Variants in ZBTB20 observed in about 807,000 individuals in gnomAD.
ZBTB20 encodes zinc finger and BTB domain-containing protein 20.
ZBTB20 carries 9 observed loss-of-function variants against 56.9 expected under a neutral mutation model. The observed-to-expected ratio is 0.16, with a 90% CI of 0.10 to 0.28. The LOEUF (loss-of-function observed/expected upper bound fraction) is 0.28. Ranked by LOEUF, ZBTB20 falls within the 10% of genes least tolerant of loss-of-function variation. The pLI, the probability that ZBTB20 is intolerant of heterozygous loss-of-function variation, is 1.00. For missense variants in ZBTB20, 655 were observed against 1,003.0 expected (o/e 0.65, Z 4.69); for synonymous variants, 417 against 420.7 (o/e 0.99, Z 0.11).
Position 114,457,098 on chromosome 3 carries a change from A to T in ZBTB20, c.-255+43254T>A, listed in dbSNP as rs2092066808. Reference sequence around the variant, plus strand: ...TTTGATAATGGCAGATCCTTTGGCAAGCCCCAAAATACCTGATAGGCCAGA... The same window carrying T: ...TTTGATAATGGCAGATCCTTTGGCATGCCCCAAAATACCTGATAGGCCAGA... On this transcript the variant is annotated intron_variant, in intron 7 of 11. Coordinates refer to ENST00000675478, the MANE Select transcript of ZBTB20 (RefSeq NM_001348800.3). Among the ~76,000 whole-genome samples, 4 of 152,244 alleles carry T rather than the reference A, an allele frequency of 2.6e-5. No homozygotes were observed. In the South Asian group the frequency reaches 8.3e-4, roughly 32 times the overall value.
intron 8 of ZBTB20, among the ~76,000 whole-genome samples, chr3:114,385,070 C>T (rs909409051): frequency 2.0e-4 from 31 of 152,232 alleles, no homozygotes; most frequent in African/African-American, 6.7e-4. Flanking sequence ...CCCTCTCTTG[C>T]ACGTTAATGT....
intron 6 of ZBTB20, among the ~76,000 whole-genome samples, chr3:114,597,359 T>A (rs1264001401): frequency 6.6e-6 from 1 of 152,144 alleles, no homozygotes; most frequent in Non-Finnish European, 1.5e-5. Context: ...TGGTTATAAC[T>A]AGAACGACCA....
chr3:114,838,920 G>A (rs1333302306), intron 4 of ZBTB20, among the ~76,000 whole-genome samples: 2 of 152,198 alleles, frequency 1.3e-5, no homozygotes, highest in South Asian at 2.1e-4. Context: ...ACCAAATGGG[G>A]TAGATGCATC....
chr3:115,035,572 A>ACACACAC (rs2080881662), intron 2 of ZBTB20, among the ~76,000 whole-genome samples: 1 of 140,076 alleles, frequency 7.1e-6, no homozygotes, highest in African/African-American at 3.2e-5. Context: ...CACACACACA[A>ACACACAC]AACAAGTTTT....
chr3:114,613,864 G>T lies in ZBTB20; in HGVS notation c.-295+79664C>A, dbSNP rs572659059. Among the ~76,000 whole-genome samples, 28 of 152,244 alleles carry T rather than the reference G, an allele frequency of 1.8e-4. No homozygotes were observed. In the South Asian group the frequency reaches 5.0e-3, roughly 27 times the overall value. On this transcript the variant is annotated intron_variant, in intron 6 of 11. Transcript: ENST00000675478. ...TGATGAGGAGGATGATAATGGTAAT[G>T]ATGATAACAGCAGCTGTTTATTGAG...
At chr3:114,934,074 A>G (rs567371965) in intron 3 of ZBTB20, among the ~76,000 whole-genome samples, 12 of 152,286 alleles carry the variant, frequency 7.9e-5, no homozygotes, top group African/African-American at 2.6e-4. Flanking sequence ...ACCTTAGAAT[A>G]CAAGAACCCA....
rs1001663606 is a variant in ZBTB20 at position 114,692,065 on chromosome 3, A to C, written c.-295+1463T>G. On this transcript the variant is annotated intron_variant, in intron 6 of 11. Transcript: ENST00000675478. ...ACAGATTTTATCTGATCATAGAAAC[A>C]TAAAGAGCTTTCTCTGTGTTGGACA... Among the ~76,000 whole-genome samples the C allele has an allele frequency of 1.1e-4, 17 of 152,296 alleles. No homozygotes were observed. In the East Asian group the frequency reaches 3.3e-3, roughly 29 times the overall value.
At chr3:114,883,458 T>G (rs950142649) in intron 4 of ZBTB20, among the ~76,000 whole-genome samples, 4 of 152,226 alleles carry the variant, frequency 2.6e-5, no homozygotes, top group Non-Finnish European at 5.9e-5. Context: ...CGAAGCTGAC[T>G]TGTTGAATCT....
At chr3:115,102,984 T>TGAAGAA (rs537888771) in intron 1 of ZBTB20, 1 of 147,312 alleles carries the variant, frequency 6.8e-6, no homozygotes, top group African/African-American at 2.5e-5. Flanking sequence ...AAAAAAAAGG[T>TGAAGAA]GAAGAAGAAG....
At chr3:114,547,084 C>T (rs2049981073) in intron 6 of ZBTB20, among the ~76,000 whole-genome samples, 1 of 152,164 alleles carries the variant, frequency 6.6e-6, no homozygotes, top group African/African-American at 2.4e-5. Context: ...TTGTTCATTC[C>T]ATTCCAGGGA....
At chr3:114,992,635 T>G (rs915597848) in intron 2 of ZBTB20, among the ~76,000 whole-genome samples, 1 of 151,828 alleles carries the variant, frequency 6.6e-6, no homozygotes, top group Admixed American at 6.6e-5. Flanking sequence ...AGACAAAGCC[T>G]GAAGCCAATG....
At chr3:114,950,908 G>A (rs2077044276) in intron 3 of ZBTB20, among the ~76,000 whole-genome samples, 1 of 152,018 alleles carries the variant, frequency 6.6e-6, no homozygotes. Context: ...ATGAATCTCA[G>A]AAACATAATG....
intron 5 of ZBTB20, among the ~76,000 whole-genome samples, chr3:114,744,678 G>A (rs1275897027): frequency 6.6e-6 from 1 of 152,104 alleles, no homozygotes; most frequent in Non-Finnish European, 1.5e-5. Flanking sequence ...TACAGCGATA[G>A]TCACCATATA....
At chr3:114,484,795 T>C (rs952256622) in intron 7 of ZBTB20, among the ~76,000 whole-genome samples, 1 of 69,864 alleles carries the variant, frequency 1.4e-5, no homozygotes, top group African/African-American at 5.3e-5. Flanking sequence ...CTCATATCAA[T>C]AGAGTGTGTG....
chr3:114,493,582 G>A (rs1213551197), intron 7 of ZBTB20, among the ~76,000 whole-genome samples: 1 of 152,076 alleles, frequency 6.6e-6, no homozygotes, highest in African/African-American at 2.4e-5. Context: ...TCTCTGTGCA[G>A]CTCTCTTCAG....
At chr3:114,794,237 A>G (rs2071184281) in intron 5 of ZBTB20, among the ~76,000 whole-genome samples, 2 of 152,060 alleles carry the variant, frequency 1.3e-5, no homozygotes, top group African/African-American at 4.8e-5. Context: ...AACTCTTTAT[A>G]CAGTATCTGG....
chr3:114,907,342 T>C (rs2075358778), intron 3 of ZBTB20, among the ~76,000 whole-genome samples: 1 of 151,944 alleles, frequency 6.6e-6, no homozygotes, highest in Non-Finnish European at 1.5e-5. Context: ...TCAGTATTCT[T>C]ACTAATTTGG....
intron 7 of ZBTB20, among the ~76,000 whole-genome samples, chr3:114,464,877 T>C (rs563052925): frequency 6.6e-6 from 1 of 152,170 alleles, no homozygotes; most frequent in Non-Finnish European, 1.5e-5. Context: ...AGCACTACAA[T>C]AACAGGACTA....
At chr3:114,442,691 C>G (rs2091008011) in intron 7 of ZBTB20, among the ~76,000 whole-genome samples, 1 of 152,138 alleles carries the variant, frequency 6.6e-6, no homozygotes, top group Non-Finnish European at 1.5e-5. Context: ...TGCTGTCAGT[C>G]TCTCTTCTGC....
Sources: allele counts gnomAD v4.1 joint callset (sites outside exome capture counted in the v4.1 genomes callset), GRCh38; gene constraint gnomAD v4.1.1; transcripts MANE v1.5; gene names NCBI Gene and HGNC (gene_info 2026-07-23, HGNC 2026-07-21).